Variants in LAMA2 observed in about 807,000 individuals in gnomAD.
LAMA2 encodes laminin subunit alpha 2.
In LAMA2, 269 loss-of-function variants were observed where a neutral mutation model predicts 364.8. That is an observed-to-expected ratio of 0.74 (90% CI 0.67 to 0.82). The LOEUF is 0.82. Among genes scored for constraint, LAMA2 ranks in the 40% least tolerant of loss-of-function variants. The probability of loss-of-function intolerance (pLI) is 0.00; values close to 1 mark genes in which losing one functional copy is unlikely to be tolerated. For synonymous variants in LAMA2, 1,379 were observed against 1,370.6 expected (o/e 1.01, Z -0.14); for missense variants, 3,807 against 3,873.2 (o/e 0.98, Z 0.45).
intron 1 of LAMA2, among the ~76,000 whole-genome samples, chr6:128,940,400 A>G (rs1208439122): frequency 2.0e-5 from 3 of 152,104 alleles, no homozygotes; most frequent in Non-Finnish European, 4.4e-5. Context: ...CTTTATTATA[A>G]GCTTTAAGAG....
intron 4 of LAMA2, among the ~76,000 whole-genome samples, chr6:129,119,797 C>A (rs1171719492): frequency 1.3e-5 from 2 of 152,192 alleles, no homozygotes; most frequent in East Asian, 1.9e-4. Context: ...ATCTGCCCAC[C>A]TCGGCCTCTT....
At chr6:128,997,226 A>C (rs1207984604) in intron 1 of LAMA2, among the ~76,000 whole-genome samples, 1 of 152,064 alleles carries the variant, frequency 6.6e-6, no homozygotes, top group Admixed American at 6.6e-5. Flanking sequence ...TGGCACATGT[A>C]TTCCTATGTA....
intron 18 of LAMA2, among the ~76,000 whole-genome samples, chr6:129,286,327 A>G (rs1420181192): frequency 6.6e-6 from 1 of 151,572 alleles, no homozygotes; most frequent in African/African-American, 2.4e-5. Flanking sequence ...CCTTTGGCAA[A>G]TGTGGCTTAG....
intron 1 of LAMA2, among the ~76,000 whole-genome samples, chr6:128,947,386 A>C (rs1453369265): frequency 6.6e-6 from 1 of 152,212 alleles, no homozygotes; most frequent in African/African-American, 2.4e-5. Context: ...AGAAGAGTGA[A>C]ATAAACAATG....
Position 129,477,974 on chromosome 6 carries a change from G to C in LAMA2, c.7452-719G>C, listed in dbSNP as rs1455908442. On this transcript the variant is annotated intron_variant, in intron 53 of 64. Coordinates refer to ENST00000421865, the MANE Select transcript of LAMA2 (RefSeq NM_000426.4). Reference sequence around the variant, plus strand: ...TACTTTTTTTGGAGGGGAGGGCAAAGACAGGGTCTCACTCTGTTGCCTCAG... The same window carrying C: ...TACTTTTTTTGGAGGGGAGGGCAAACACAGGGTCTCACTCTGTTGCCTCAG... 2.1e-5 allele frequency among the ~76,000 whole-genome samples: 3 copies of C among 141,874 alleles called. No homozygotes were observed. In the Admixed American group the frequency reaches 2.2e-4, roughly 10 times the overall value. The allele number at this position is 141,874 out of a possible 152,430, so 93.1% of individuals were successfully genotyped here.
chr6:129,037,876 A>G lies in LAMA2; in HGVS notation c.113-12042A>G, dbSNP rs867204135. Among the ~76,000 whole-genome samples, 4 of 152,088 alleles carry G rather than the reference A, an allele frequency of 2.6e-5. No homozygotes were observed. The East Asian group carries it at 7.7e-4, about 29-fold the overall frequency. On this transcript the variant is annotated intron_variant, in intron 1 of 64. Transcript: ENST00000421865. ...AGTAGAGACAGGGTTTCACCGTGTT[A>G]GCCAGGATGGTCTTGATCTCCTGAC...
intron 3 of LAMA2, among the ~76,000 whole-genome samples, chr6:129,060,866 C>T (rs1157866343): frequency 4.6e-5 from 7 of 152,212 alleles, no homozygotes; most frequent in East Asian, 1.9e-4. Flanking sequence ...GTGGATTGCA[C>T]GGTAGACCTG....
chr6:128,911,466 G>C (rs990979019), intron 1 of LAMA2, among the ~76,000 whole-genome samples: 4 of 152,062 alleles, frequency 2.6e-5, no homozygotes, highest in African/African-American at 4.8e-5. Flanking sequence ...TGCGCTTCCC[G>C]AGTGAGGCAA....
In LAMA2 at chr6:129,050,043, A is replaced by G; in HGVS notation, c.238A>G (p.Asn80Asp). 1 of 1,614,184 alleles carries G rather than the reference A, an allele frequency of 6.2e-7. No individual in the cohort carries two copies. Among genetic ancestry groups the G allele is most frequent in the Non-Finnish European group, 8.5e-7 (1 of 1,180,040 alleles). ...VEHVPGQPVR[N>D]PQCRICNQNS... ...ACATGTCCCTGGGCAGCCTGTGAGG[A>G]ACCCGCAGTGTCGAATCTGCAATCA... The change falls in exon 2 of 65, where the codon AAC becomes GAC. Residue 80 changes from asparagine to aspartate, a missense_variant. Asn to Asp is a conservative substitution (Grantham distance 23). Coordinates refer to ENST00000421865, the MANE Select transcript of LAMA2 (RefSeq NM_000426.4).
chr6:129,056,935 G>C (rs1331358790), intron 2 of LAMA2, among the ~76,000 whole-genome samples: 1 of 149,354 alleles, frequency 6.7e-6, no homozygotes, highest in African/African-American at 2.5e-5. Flanking sequence ...GTTTCACTGT[G>C]TTGGCCAGGC....
At chr6:129,445,910 G>T in intron 45 of LAMA2, 89 bp downstream of exon 45, 2 of 1,311,560 alleles carry the variant, frequency 1.5e-6, no homozygotes, top group East Asian at 2.4e-5. Context: ...ATTCCCCGTT[G>T]AATGATCTTG....
At chr6:129,005,424 C>G (rs1243344623) in intron 1 of LAMA2, among the ~76,000 whole-genome samples, 1 of 152,036 alleles carries the variant, frequency 6.6e-6, no homozygotes, top group Admixed American at 6.6e-5. Flanking sequence ...ACATTCTCAT[C>G]AGGCTTTTTA....
In LAMA2 at chr6:128,956,436, T is replaced by C. The variant is rs189024778; in HGVS notation, c.112+73079T>C. 7.2e-5 allele frequency among the ~76,000 whole-genome samples: 11 copies of C among 152,110 alleles called. No individual in the cohort carries two copies. The East Asian group carries it at 1.7e-3, about 24-fold the overall frequency. ...ATTCTGTTTGTAGATTGGTAGTAAA[T>C]TTTTGATACTTATTATGAATCCAAG... On this transcript the variant is annotated intron_variant, in intron 1 of 64. Transcript: ENST00000421865.
At chr6:129,188,108 T>C (rs969603501) in intron 10 of LAMA2, among the ~76,000 whole-genome samples, 11 of 151,900 alleles carry the variant, frequency 7.2e-5, no homozygotes, top group African/African-American at 2.7e-4. Context: ...ATTTCTCAGA[T>C]GCACTTACCA....
chr6:129,065,895 T>A (rs889323119), intron 3 of LAMA2, among the ~76,000 whole-genome samples: 1 of 151,932 alleles, frequency 6.6e-6, no homozygotes, highest in African/African-American at 2.4e-5. Context: ...GCTTTTGCAT[T>A]TTCCTCATTC....
intron 12 of LAMA2, among the ~76,000 whole-genome samples, chr6:129,238,574 TGTGAGA>T (rs59699870): frequency 0.66 from 92,531 of 140,658 alleles, 30,257 homozygotes; most frequent in Middle Eastern, 0.75. Context: ...TGTGTGTGTG[TGTGAGA>T]GAGAGAGAGA....
chr6:129,110,897 C>A (rs760122211), intron 4 of LAMA2, among the ~76,000 whole-genome samples: 1 of 149,790 alleles, frequency 6.7e-6, no homozygotes, highest in Non-Finnish European at 1.5e-5. Context: ...CGGAAAAACC[C>A]AAGGGTGTGT....
chr6:129,217,259 G>T (rs1006864488), intron 12 of LAMA2, among the ~76,000 whole-genome samples: 10 of 151,790 alleles, frequency 6.6e-5, no homozygotes, highest in Admixed American at 5.2e-4. Context: ...TCTATTTTTA[G>T]AATCTCAAAC....
chr6:129,133,744 G>A (rs775880950), intron 4 of LAMA2, among the ~76,000 whole-genome samples: 11 of 152,064 alleles, frequency 7.2e-5, no homozygotes, highest in Non-Finnish European at 1.3e-4. Context: ...TAAATCAGTG[G>A]AGGCTGCTAG....
Sources: gnomAD v4.1 joint callset for allele counts (sites outside exome capture counted in the v4.1 genomes callset) on GRCh38, gnomAD v4.1.1 for gene constraint, MANE v1.5 for transcripts, NCBI Gene and HGNC (gene_info 2026-07-23, HGNC 2026-07-21) for gene names.